Variants in DUSP22 observed in about 807,000 individuals in gnomAD.
DUSP22 encodes dual specificity phosphatase 22.
In DUSP22, 24 loss-of-function variants were observed where a neutral mutation model predicts 24.5. The observed-to-expected ratio is 0.98, with a 90% CI of 0.71 to 1.38. DUSP22 has a LOEUF of 1.38. Among genes scored for constraint, DUSP22 ranks in the 40% most tolerant of loss-of-function variants. DUSP22 has a pLI of 0.00. For missense variants in DUSP22, 330 were observed against 269.2 expected (o/e 1.23, Z -1.58); for synonymous variants, 160 against 106.4 (o/e 1.50, Z -3.10).
intron 3 of DUSP22, among the ~76,000 whole-genome samples, chr6:334,400 A>ATT (rs773315152): frequency 6.7e-6 from 1 of 148,318 alleles, no homozygotes; most frequent in Non-Finnish European, 1.5e-5. Flanking sequence ...AGAAACAGCC[A>ATT]TTTTTTTTTT....
chr6:311,906 A>C lies in DUSP22; in HGVS notation c.82A>C (p.Lys28Gln). 6.2e-7 allele frequency: 1 copy of C among 1,612,782 alleles called. No homozygotes were observed. The highest frequency in any genetic ancestry group is 8.5e-7 in the Non-Finnish European group (1 of 1,179,202). Reference protein sequence around the residue: ...KDARDAEQLSKNKVTHILSVH... With the variant: ...KDARDAEQLSQNKVTHILSVH... ...TGCCAGAGACGCGGAACAATTGAGC[A>C]AGAACAAGGTGACACATATTCTGTC... is the stretch of plus-strand genomic sequence containing the variant. The change falls in exon 3 of 7, where the codon AAG becomes CAG. Residue 28 changes from lysine (K) to glutamine (Q), a missense_variant. Lys to Gln is a moderately conservative substitution (Grantham distance 53). Coordinates refer to ENST00000419235, the MANE Select transcript of DUSP22 (RefSeq NM_001286555.3).
At chr6:311,791 T>G in intron 2 of DUSP22, 89 bp from the exon 3 acceptor site, 1 of 1,370,156 alleles carries the variant, frequency 7.3e-7, no homozygotes, top group African/African-American at 1.5e-5. Context: ...GCAAGTCATT[T>G]TGTGGGTTTT....
intron 2 of DUSP22, among the ~76,000 whole-genome samples, chr6:308,418 T>C (rs1452601546): frequency 6.6e-6 from 1 of 152,302 alleles, no homozygotes; most frequent in East Asian, 1.9e-4. Context: ...ACCCAGCAGG[T>C]TTGATTAAGC....
chr6:299,916 T>A lies in DUSP22; in HGVS notation c.22-4712T>A, dbSNP rs543281054. 3.9e-5 allele frequency among the ~76,000 whole-genome samples: 6 copies of A among 152,422 alleles called. No homozygotes were observed. In the South Asian group the frequency reaches 1.2e-3, roughly 32 times the overall value. On this transcript the variant is annotated intron_variant, in intron 1 of 6. Transcript: ENST00000419235. The stretch of plus-strand genomic sequence containing the variant: ...TTCACTCATCATCATTTTTTCTCTC[T>A]CCTTTCCTCTCACCCTGTTCACATT...
intron 3 of DUSP22, among the ~76,000 whole-genome samples, chr6:330,257 G>T (rs1015578406): frequency 3.3e-5 from 5 of 152,304 alleles, no homozygotes; most frequent in African/African-American, 1.2e-4. Flanking sequence ...TCCTGATCCT[G>T]GCCCTTAGGA....
intron 4 of DUSP22, 106 bp from the exon 5 acceptor site, chr6:345,748 A>C (rs1759833763): frequency 1.4e-6 from 2 of 1,402,826 alleles, no homozygotes; most frequent in Non-Finnish European, 1.9e-6. Context: ...CAATTATACA[A>C]AAAAATCAAT....
In DUSP22 at chr6:311,934, T is replaced by C. The variant is rs768304432; in HGVS notation, c.110T>C (p.Val37Ala). 3 of 1,612,876 alleles carry C rather than the reference T, an allele frequency of 1.9e-6. No individual in the cohort carries two copies. The highest frequency in any genetic ancestry group is 1.1e-5 in the South Asian group (1 of 91,006). ...AACAAGGTGACACATATTCTGTCTG[T>C]CCACGATAGTGCCAGGCCTATGTTG... ...SKNKVTHILSVHDSARPMLEG... is the reference protein window; with the variant it reads ...SKNKVTHILSAHDSARPMLEG... Residue 37 changes from valine to alanine, a missense_variant, in exon 3 of 7, where the codon GTC (valine) becomes GCC (alanine). Coordinates refer to ENST00000419235, the MANE Select transcript of DUSP22 (RefSeq NM_001286555.3).
intron 3 of DUSP22, among the ~76,000 whole-genome samples, chr6:322,390 G>C: frequency 6.6e-6 from 1 of 152,302 alleles, no homozygotes; most frequent in Non-Finnish European, 1.5e-5. Context: ...TCTGAGTGCA[G>C]TCCTTGGGGT....
At chr6:340,062 C>T (rs992243873) in intron 4 of DUSP22, among the ~76,000 whole-genome samples, 1 of 152,286 alleles carries the variant, frequency 6.6e-6, no homozygotes, top group Non-Finnish European at 1.5e-5. Flanking sequence ...AGATTATGTC[C>T]TTCTTTTTGT....
At chr6:300,832 GGTA>G (rs1757546910) in intron 1 of DUSP22, among the ~76,000 whole-genome samples, 1 of 152,312 alleles carries the variant, frequency 6.6e-6, no homozygotes, top group Non-Finnish European at 1.5e-5. Flanking sequence ...GGTTACCTTA[GGTA>G]GAACAGGGCA....
At chr6:330,186 C>G (rs556976072) in intron 3 of DUSP22, among the ~76,000 whole-genome samples, 164 of 152,370 alleles carry the variant, frequency 1.1e-3, no homozygotes, top group African/African-American at 3.5e-3. Context: ...AGATGAGAAA[C>G]CGGGGCTTCT....
Position 327,132 on chromosome 6 carries a change from T to C in DUSP22, c.139-7982T>C, listed in dbSNP as rs548512766. On this transcript the variant is annotated intron_variant, in intron 3 of 6. Transcript: ENST00000419235. ...AGTTCACCCACCCTGGGCTTCGCTGTTGGGCAGCAGGAGCATTACTGAGAG... is the reference window on the plus strand; with the variant it reads ...AGTTCACCCACCCTGGGCTTCGCTGCTGGGCAGCAGGAGCATTACTGAGAG... 2.6e-5 allele frequency among the ~76,000 whole-genome samples: 4 copies of C among 152,428 alleles called. No homozygotes were observed. The South Asian group carries it at 8.3e-4, about 32-fold the overall frequency.
chr6:350,096 A>G lies in DUSP22; in HGVS notation c.*1145A>G. ...TTTGATAATTGATCTGAGCTACCTC[A>G]TTGAATGTTTTTGGAAAGGTGTTTT... is the stretch of plus-strand genomic sequence containing the variant. On this transcript the variant is annotated 3_prime_UTR_variant, in exon 7 of 7. Coordinates refer to ENST00000419235, the MANE Select transcript of DUSP22 (RefSeq NM_001286555.3). The G allele has an allele frequency of 1.0e-6, 1 of 986,024 alleles. No homozygotes were observed. Among genetic ancestry groups the G allele is most frequent in the Middle Eastern group, 5.2e-4 (1 of 1,914 alleles). The allele number at this position is 986,024 out of a possible 1,614,324, so 61.1% of individuals were successfully genotyped here.
intron 3 of DUSP22, among the ~76,000 whole-genome samples, chr6:318,109 C>T (rs1233188566): frequency 6.6e-6 from 1 of 152,300 alleles, no homozygotes; most frequent in Admixed American, 6.5e-5. Context: ...CTGCTGTGGC[C>T]TCTGGTTCAG....
rs201980482 is a variant in DUSP22 at position 300,326 on chromosome 6, A to G, written c.22-4302A>G. Among the ~76,000 whole-genome samples the G allele has an allele frequency of 6.0e-3, 907 of 152,102 alleles. No individual in the cohort carries two copies. In the East Asian group the frequency reaches 0.13, roughly 21 times the overall value. ...GAAGACATTTGAGGGTCCACTCCTG[A>G]AAGGTCTCCCTTGCCAAGGTGTAGA... On this transcript the variant is annotated intron_variant, in intron 1 of 6. Coordinates refer to ENST00000419235, the MANE Select transcript of DUSP22 (RefSeq NM_001286555.3).
At chr6:339,622 A>G (rs1217775400) in intron 4 of DUSP22, among the ~76,000 whole-genome samples, 1 of 152,296 alleles carries the variant, frequency 6.6e-6, no homozygotes. Context: ...ACATCATTGC[A>G]GTAGCGCCTT....
rs558495322 is a variant in DUSP22 at position 328,865 on chromosome 6, G to A, written c.139-6249G>A. ...GTCTGCTGGACCTTGCCTATTTTTT[G>A]TGTTGACTTCCAGTACTTAGTCCAT... On this transcript the variant is annotated intron_variant, in intron 3 of 6. Transcript: ENST00000419235. 4.6e-5 allele frequency among the ~76,000 whole-genome samples: 7 copies of A among 152,408 alleles called. No individual in the cohort carries two copies. The East Asian group carries it at 5.8e-4, about 13-fold the overall frequency.
intron 1 of DUSP22, 46 bp downstream of exon 1, chr6:292,606 C>A: frequency 6.3e-7 from 1 of 1,576,454 alleles, no homozygotes; most frequent in Non-Finnish European, 8.6e-7. Context: ...CGCTCCGACG[C>A]CCTGCCGTCT....
chr6:332,096 T>C (rs984664196), intron 3 of DUSP22, among the ~76,000 whole-genome samples: 61 of 152,404 alleles, frequency 4.0e-4, no homozygotes, highest in Non-Finnish European at 8.1e-4. Context: ...ATTGTTCTCA[T>C]CCTCTGTCTC....
Sources: allele counts gnomAD v4.1 joint callset (sites outside exome capture counted in the v4.1 genomes callset), GRCh38; gene constraint gnomAD v4.1.1; transcripts MANE v1.5; gene names NCBI Gene and HGNC (gene_info 2026-07-23, HGNC 2026-07-21).